Variants in NBDY observed in about 807,000 individuals in gnomAD.
NBDY encodes negative regulator of P-body association, also known as P-body dissociating protein.
At chrX:56,781,260 G>A (rs372133559) in intron 2 of NBDY, among the ~76,000 whole-genome samples, 11 of 111,735 alleles carry the variant, frequency 9.8e-5, no homozygotes, top group Admixed American at 4.7e-4. Context: ...ACTGTTTCCC[G>A]TCATCTAAGC....
chrX:56,795,951 A>C (rs1284173407), intron 2 of NBDY, among the ~76,000 whole-genome samples: 1 of 111,358 alleles, frequency 9.0e-6, no homozygotes, highest in Non-Finnish European at 1.9e-5. Flanking sequence ...TCCTGTCTTC[A>C]TCTGTGCTTG....
chrX:56,738,734 C>T (rs1387992492), intron 2 of NBDY, among the ~76,000 whole-genome samples: 1 of 111,576 alleles, frequency 9.0e-6, no homozygotes, highest in Non-Finnish European at 1.9e-5. Flanking sequence ...GGTGTGCCAC[C>T]CTCCTGGCAT....
intron 2 of NBDY, among the ~76,000 whole-genome samples, chrX:56,808,884 C>T (rs192577837): frequency 3.5e-4 from 39 of 112,761 alleles, no homozygotes; most frequent in Admixed American, 2.8e-4. Context: ...CCTGCTTTCT[C>T]TTGTGGGCAT....
intron 2 of NBDY, among the ~76,000 whole-genome samples, chrX:56,807,376 A>T (rs2069857572): frequency 9.0e-6 from 1 of 111,243 alleles, no homozygotes; most frequent in Non-Finnish European, 1.9e-5. Context: ...CTTGATGGGG[A>T]TAGCATTGAA....
intron 2 of NBDY, among the ~76,000 whole-genome samples, chrX:56,781,482 G>A (rs10855133): frequency 9.1e-6 from 1 of 110,484 alleles, no homozygotes; most frequent in Non-Finnish European, 1.9e-5. Flanking sequence ...TCTTCTGGCT[G>A]GCGCCTTATC....
intron 2 of NBDY, among the ~76,000 whole-genome samples, chrX:56,732,540 G>A (rs184586149): frequency 7.2e-5 from 8 of 111,159 alleles, no homozygotes; most frequent in African/African-American, 2.0e-4. Flanking sequence ...TTCTAATAAT[G>A]TATAGATTTT....
chrX:56,817,247 C>A (rs778514700), intron 2 of NBDY, 73 bp from the exon 3 acceptor site: 18 of 112,296 alleles, frequency 1.6e-4, no homozygotes, highest in Non-Finnish European at 3.4e-4. Context: ...GCTCAACAGA[C>A]ATATCTGACC....
At chrX:56,799,765 AAAACAAAG>A (rs1271414346) in intron 2 of NBDY, among the ~76,000 whole-genome samples, 1 of 112,715 alleles carries the variant, frequency 8.9e-6, no homozygotes, top group Non-Finnish European at 1.9e-5. Flanking sequence ...ACACACAAAA[AAAACAAAG>A]AAACAAAGAA....
rs972025714 is a variant in NBDY, at chrX:56,729,398, T to C, written c.45T>C (p.Pro15=). The C allele has an allele frequency of 4.1e-5, 12 of 294,564 alleles. No individual in the cohort carries two copies. Among genetic ancestry groups the C allele is most frequent in the African/African-American group, 3.4e-4 (12 of 35,790 alleles). The allele number at this position is 294,564 out of a possible 1,213,427, so 24.3% of individuals were successfully genotyped here. The part of the protein sequence containing the change: ...PCASGRSTLP[P]GNAREAKPPK... Reference sequence around the variant, plus strand: ...CCTCCGGGAGATCCACTCTCCCACCTGGAAACGCACGGGAAGCCAAGCCTC... The same window carrying C: ...CCTCCGGGAGATCCACTCTCCCACCCGGAAACGCACGGGAAGCCAAGCCTC... The change falls in exon 1 of 3, where the codon CCT becomes CCC. Residue 15 remains proline (P), a synonymous_variant. Transcript: ENST00000374922.
At chrX:56,767,322 G>A (rs932277572) in intron 2 of NBDY, among the ~76,000 whole-genome samples, 10 of 113,368 alleles carry the variant, frequency 8.8e-5, no homozygotes, top group Non-Finnish European at 1.3e-4. Context: ...AGAGGTGAAA[G>A]TCTGATGGCA....
At chrX:56,731,490 G>T (rs1215805524) in intron 1 of NBDY, among the ~76,000 whole-genome samples, 1 of 109,346 alleles carries the variant, frequency 9.1e-6, no homozygotes, top group Non-Finnish European at 1.9e-5. Context: ...AGAATCGCTT[G>T]AATCCAGGAG....
At chrX:56,791,619 C>A (rs2069763611) in intron 2 of NBDY, among the ~76,000 whole-genome samples, 1 of 111,459 alleles carries the variant, frequency 9.0e-6, no homozygotes, top group South Asian at 3.8e-4. Context: ...GATTATTTGT[C>A]CTTTAAGCGG....
At chrX:56,764,047 G>C (rs2069653030) in intron 2 of NBDY, among the ~76,000 whole-genome samples, 1 of 112,318 alleles carries the variant, frequency 8.9e-6, no homozygotes, top group African/African-American at 3.2e-5. Context: ...AGCAGGACAA[G>C]AGAGGAACTC....
intron 2 of NBDY, among the ~76,000 whole-genome samples, chrX:56,749,367 C>CTA (rs993264024): frequency 3.6e-5 from 4 of 110,660 alleles, no homozygotes; most frequent in African/African-American, 9.9e-5. Flanking sequence ...GAACTCCATT[C>CTA]TATATATATA....
intron 2 of NBDY, among the ~76,000 whole-genome samples, chrX:56,814,788 T>C (rs2069903673): frequency 9.0e-6 from 1 of 111,280 alleles, no homozygotes. Flanking sequence ...CCACCATACC[T>C]GGTGAACCAC....
intron 2 of NBDY, among the ~76,000 whole-genome samples, chrX:56,790,705 G>A (rs1339078384): frequency 9.0e-6 from 1 of 111,685 alleles, no homozygotes. Context: ...GTCTTCATCT[G>A]TGCTTCCAAA....
Position 56,750,876 on chromosome X carries a change from C to T in NBDY, c.*166+18677C>T, listed in dbSNP as rs191523593. ...CAATAATAGTTTTCTAACTGATCTC[C>T]TGCCTCCAGTACTGTGTACTGACTC... On this transcript the variant is annotated intron_variant, in intron 2 of 2. Coordinates refer to ENST00000374922, the MANE Select transcript of NBDY (RefSeq NM_001348129.2). 4.5e-5 allele frequency among the ~76,000 whole-genome samples: 5 copies of T among 111,779 alleles called. No homozygotes were observed. In the East Asian group the frequency reaches 1.4e-3, roughly 31 times the overall value.
chrX:56,754,873 CAATAAAGGGAAA>C (rs1427319351), intron 2 of NBDY, among the ~76,000 whole-genome samples: 5 of 109,675 alleles, frequency 4.6e-5, no homozygotes, highest in Admixed American at 1.9e-4. Context: ...AATAGAAAAA[CAATAAAGGGAAA>C]AACAAACCAA....
At chrX:56,760,935 G>A (rs938253361) in intron 2 of NBDY, among the ~76,000 whole-genome samples, 2 of 111,394 alleles carry the variant, frequency 1.8e-5, no homozygotes, top group African/African-American at 6.6e-5. Flanking sequence ...AGGGGCTACA[G>A]GGTGGCGGGT....
Sources: allele counts gnomAD v4.1 joint callset (sites outside exome capture counted in the v4.1 genomes callset), GRCh38; gene constraint gnomAD v4.1.1; transcripts MANE v1.5; gene names NCBI Gene and HGNC (gene_info 2026-07-23, HGNC 2026-07-21).